ZNF516: variants seen among roughly 807,000 people sequenced by gnomAD.
ZNF516 encodes zinc finger protein 516.
ZNF516 carries 19 observed loss-of-function variants against 79.7 expected under a neutral mutation model. The observed-to-expected ratio is 0.24, with a 90% CI of 0.17 to 0.35. ZNF516 has a LOEUF of 0.35. Among genes scored for constraint, ZNF516 ranks in the 10% least tolerant of loss-of-function variants. ZNF516 has a pLI of 1.00. For missense variants in ZNF516, 1,678 were observed against 1,679.5 expected (o/e 1.00, Z 0.02); for synonymous variants, 877 against 739.5 (o/e 1.19, Z -3.02).
chr18:76,464,984 G>C (rs1913371264), intron 1 of ZNF516, among the ~76,000 whole-genome samples: 1 of 152,120 alleles, frequency 6.6e-6, no homozygotes, highest in Non-Finnish European at 1.5e-5. Context: ...CATCCGATGA[G>C]GGCAGCTGCA....
At chr18:76,491,665 A>G in intron 1 of ZNF516, 1 of 570,756 alleles carries the variant, frequency 1.8e-6, no homozygotes, top group South Asian at 8.2e-5. Context: ...ACAAGCGGCC[A>G]CCGCCCCCAC....
chr18:76,405,862 C>T (rs1328045899), intron 3 of ZNF516, among the ~76,000 whole-genome samples: 1 of 152,046 alleles, frequency 6.6e-6, no homozygotes. Flanking sequence ...TTTGGAATCC[C>T]GCCGCCCCGT....
At chr18:76,381,131 C>G (rs2074886182) in intron 3 of ZNF516, among the ~76,000 whole-genome samples, 1 of 152,212 alleles carries the variant, frequency 6.6e-6, no homozygotes, top group East Asian at 1.9e-4. Flanking sequence ...AACCCTCCCA[C>G]TTTACCCAAG....
chr18:76,492,789 C>T, intron 1 of ZNF516: 1 of 985,788 alleles, frequency 1.0e-6, no homozygotes, highest in Non-Finnish European at 1.2e-6. Context: ...GCTTCTAAAC[C>T]CCATGCTTCA....
intron 2 of ZNF516, among the ~76,000 whole-genome samples, chr18:76,453,603 G>A (rs1912549325): frequency 6.6e-6 from 1 of 152,174 alleles, no homozygotes; most frequent in South Asian, 2.1e-4. Flanking sequence ...GGCCTTCGAT[G>A]AACTGCAGCA....
At chr18:76,434,566 G>A (rs1224319219) in intron 3 of ZNF516, among the ~76,000 whole-genome samples, 1 of 152,196 alleles carries the variant, frequency 6.6e-6, no homozygotes, top group African/African-American at 2.4e-5. Flanking sequence ...CTACGTGGCA[G>A]GAAGGAAACT....
Position 76,441,309 on chromosome 18 carries a change from G to T in ZNF516, c.1746C>A (p.Gly582=), listed in dbSNP as rs1317461649. The T allele has an allele frequency of 6.2e-7, 1 of 1,611,456 alleles. No individual in the cohort carries two copies. Residue 582 remains glycine, a synonymous_variant, in exon 3 of 7, where the codon GGC becomes GGA. Transcript: ENST00000443185. The stretch of plus-strand genomic sequence containing the variant: ...CGGCAGCCTCGTCGGCCAGGCCAGA[G>T]CCCGGGGAGTCAGCAGCGGCACAGG... ...GSACAAADSP[G]SGLADEAAED...
intron 3 of ZNF516, among the ~76,000 whole-genome samples, chr18:76,383,658 A>AGGACCCTCTTCCCC (rs1462049915): frequency 6.6e-6 from 1 of 152,058 alleles, no homozygotes; most frequent in Non-Finnish European, 1.5e-5. Flanking sequence ...CCAGGGACCC[A>AGGACCCTCTTCCCC]GGACCCTCTT....
chr18:76,395,168 G>A (rs1209348268), intron 3 of ZNF516, among the ~76,000 whole-genome samples: 3 of 152,172 alleles, frequency 2.0e-5, no homozygotes, highest in African/African-American at 7.2e-5. Context: ...ACACAAGAAA[G>A]GGAATTTTGG....
intron 3 of ZNF516, among the ~76,000 whole-genome samples, chr18:76,423,700 C>G (rs1170987244): frequency 1.1e-4 from 16 of 146,020 alleles, no homozygotes; most frequent in Non-Finnish European, 1.5e-5. Flanking sequence ...GAAAAGGCTC[C>G]CCCGAAACAC....
intron 1 of ZNF516, among the ~76,000 whole-genome samples, chr18:76,469,336 A>G (rs1192937194): frequency 6.6e-6 from 1 of 152,200 alleles, no homozygotes; most frequent in Non-Finnish European, 1.5e-5. Flanking sequence ...TTATATCTTT[A>G]TATTTAGAGG....
rs760936274 is a variant in ZNF516 at position 76,379,922 on chromosome 18, A to G, written c.2192T>C (p.Met731Thr). 3 of 1,613,846 alleles carry G rather than the reference A, an allele frequency of 1.9e-6. No individual in the cohort carries two copies. The highest frequency in any genetic ancestry group is 1.6e-4 in the Middle Eastern group (1 of 6,084). ...GGKRALAPDL[M>T]PLDLSARSTR... ...CGACCTCGCACTTAAATCTAGCGGC[A>G]TGAGGTCTGGGGCCAGCGCCCGCTT... Residue 731 changes from methionine to threonine, a missense_variant, in exon 4 of 7, where the codon ATG (methionine) becomes ACG (threonine). This residue lies in a region of ZNF516 where 1,294 missense variants were observed against 1,248.3 expected (regional missense o/e 1.04). Transcript: ENST00000443185.
chr18:76,396,729 A>T (rs1010779431), intron 3 of ZNF516, among the ~76,000 whole-genome samples: 1 of 152,204 alleles, frequency 6.6e-6, no homozygotes, highest in Non-Finnish European at 1.5e-5. Flanking sequence ...AAGATATTCA[A>T]GCTGAAAGGA....
At chr18:76,460,591 A>AT (rs1913038731) in intron 2 of ZNF516, among the ~76,000 whole-genome samples, 1 of 151,624 alleles carries the variant, frequency 6.6e-6, no homozygotes, top group Admixed American at 6.6e-5. Flanking sequence ...CCAGTAAAAA[A>AT]ACTGGGAGGA....
intron 1 of ZNF516, among the ~76,000 whole-genome samples, chr18:76,488,493 G>T (rs1016232557): frequency 7.8e-6 from 1 of 127,528 alleles, no homozygotes; most frequent in Non-Finnish European, 1.6e-5. Flanking sequence ...ATAGACAACT[G>T]AACTTTTCCC....
At chr18:76,374,106 C>A (rs964689493) in intron 4 of ZNF516, among the ~76,000 whole-genome samples, 56 of 152,316 alleles carry the variant, frequency 3.7e-4, no homozygotes, top group African/African-American at 1.0e-3. Flanking sequence ...AAAGAGAGAT[C>A]AAACTGCAAG....
At chr18:76,482,290 C>G (rs1268407473) in intron 1 of ZNF516, among the ~76,000 whole-genome samples, 1 of 152,204 alleles carries the variant, frequency 6.6e-6, no homozygotes, top group East Asian at 1.9e-4. Flanking sequence ...TTCCCTTCAT[C>G]GCGACCTATT....
At chr18:76,398,315 A>G (rs1282864210) in intron 3 of ZNF516, among the ~76,000 whole-genome samples, 4 of 152,224 alleles carry the variant, frequency 2.6e-5, no homozygotes, top group Non-Finnish European at 5.9e-5. Flanking sequence ...TTCTTTTATT[A>G]TTTTTTAAAA....
rs549531434 is a variant in ZNF516 at position 76,379,580 on chromosome 18, G to C, written c.2534C>G (p.Pro845Arg). 1 of 1,613,604 alleles carries C rather than the reference G, an allele frequency of 6.2e-7. No individual in the cohort carries two copies. The highest frequency in any genetic ancestry group is 8.5e-7 in the Non-Finnish European group (1 of 1,179,880). ...GGGAGAAGAGCCACTTTTGGACCCCGGCATCCCCCCTGGCACCTGAGTGCG... is the reference window on the plus strand; with the variant it reads ...GGGAGAAGAGCCACTTTTGGACCCCCGCATCCCCCCTGGCACCTGAGTGCG... ...FTRTQVPGGM[P>R]GSKSGSSPLG... Residue 845 changes from proline (P) to arginine (R), a missense_variant, in exon 4 of 7, where the codon CCG becomes CGG. Physicochemically the swap from Pro to Arg is moderately radical, Grantham distance 103. Around this residue, in one of 5 missense-constraint regions of ZNF516, gnomAD observed 1,294 missense variants for 1,248.3 expected, o/e 1.04. Transcript: ENST00000443185.
Sources: gnomAD v4.1 joint callset for allele counts (sites outside exome capture counted in the v4.1 genomes callset) on GRCh38, gnomAD v4.1.1 for gene constraint, gnomAD v4.1.1 regional missense constraint, MANE v1.5 for transcripts, NCBI Gene and HGNC (gene_info 2026-07-23, HGNC 2026-07-21) for gene names.